The following NAALADL2 variants were observed in gnomAD, a reference collection of about 807,000 sequenced individuals.
NAALADL2 encodes the protein inactive N-acetylated-alpha-linked acidic dipeptidase-like protein 2.
In NAALADL2, 76 loss-of-function variants were observed where a neutral mutation model predicts 87.2. The observed-to-expected ratio is 0.87, with a 90% CI of 0.72 to 1.05. The LOEUF is 1.05. Ranked by LOEUF, NAALADL2 falls within the 50% of genes least tolerant of loss-of-function variation. The pLI is 0.00. For missense variants in NAALADL2, 1,089 were observed against 945.8 expected, an observed-to-expected ratio of 1.15 and a Z score of -1.99; for synonymous variants, 354 against 331.0, an observed-to-expected ratio of 1.07 and a Z score of -0.75.
chr3:174,812,823 A>G (rs570997540), intron 3 of NAALADL2, among the ~76,000 whole-genome samples: 2 of 152,256 alleles, frequency 1.3e-5, no homozygotes, highest in South Asian at 4.1e-4. Context: ...TTTTAAAAAT[A>G]GAAATAGGCT....
At chr3:175,549,813 C>A (rs1274531945) in intron 9 of NAALADL2, among the ~76,000 whole-genome samples, 1 of 152,024 alleles carries the variant, frequency 6.6e-6, no homozygotes, top group Non-Finnish European at 1.5e-5. Context: ...AAACACATCT[C>A]CCTTCCTAGA....
intron 9 of NAALADL2, among the ~76,000 whole-genome samples, chr3:175,565,034 G>T (rs1716888229): frequency 6.6e-6 from 1 of 152,132 alleles, no homozygotes; most frequent in African/African-American, 2.4e-5. Context: ...CATTGAAAAG[G>T]TAATTTTAGT....
chr3:175,099,680 A>G (rs1580438291), intron 2 of NAALADL2, among the ~76,000 whole-genome samples: 2 of 152,212 alleles, frequency 1.3e-5, no homozygotes, highest in Non-Finnish European at 1.5e-5. Context: ...ATTTTGTTCA[A>G]TTGCTGTATC....
At chr3:175,312,438 T>C (rs956937109) in intron 4 of NAALADL2, among the ~76,000 whole-genome samples, 1 of 151,306 alleles carries the variant, frequency 6.6e-6, no homozygotes, top group Non-Finnish European at 1.5e-5. Context: ...TTTGCAAAAA[T>C]CCAGTTCTTT....
At chr3:175,591,159 G>A (rs1395122982) in intron 10 of NAALADL2, among the ~76,000 whole-genome samples, 1 of 152,138 alleles carries the variant, frequency 6.6e-6, no homozygotes, top group African/African-American at 2.4e-5. Flanking sequence ...TGTGGAAGTG[G>A]AAGGTATAGA....
intron 11 of NAALADL2, among the ~76,000 whole-genome samples, chr3:175,695,505 G>C (rs1737654718): frequency 6.6e-6 from 1 of 152,058 alleles, no homozygotes; most frequent in Non-Finnish European, 1.5e-5. Flanking sequence ...ACACTTGCTG[G>C]AAAAATGTAC....
chr3:174,579,271 A>G (rs201618855), intron 2 of NAALADL2, among the ~76,000 whole-genome samples: 1 of 152,048 alleles, frequency 6.6e-6, no homozygotes, highest in East Asian at 1.9e-4. Context: ...TCTTCATAGC[A>G]GCTTTACCAA....
chr3:175,394,580 G>A (rs576330100), intron 5 of NAALADL2, among the ~76,000 whole-genome samples: 18 of 152,228 alleles, frequency 1.2e-4, no homozygotes, highest in African/African-American at 4.3e-4. Flanking sequence ...TTGAGAAACA[G>A]AAACTAGATT....
intron 1 of NAALADL2, among the ~76,000 whole-genome samples, chr3:175,049,677 T>C (rs1447883404): frequency 6.6e-6 from 1 of 152,104 alleles, no homozygotes; most frequent in Non-Finnish European, 1.5e-5. Context: ...TATCCTTTAA[T>C]AAAAAAGGGG....
intron 1 of NAALADL2, among the ~76,000 whole-genome samples, chr3:175,070,830 T>C (rs1052473325): frequency 6.6e-6 from 1 of 152,106 alleles, no homozygotes; most frequent in Non-Finnish European, 1.5e-5. Flanking sequence ...TAAAAGTACA[T>C]AGTAAATATA....
At chr3:174,533,691 T>C (rs1319091848) in intron 1 of NAALADL2, among the ~76,000 whole-genome samples, 1 of 151,588 alleles carries the variant, frequency 6.6e-6, no homozygotes, top group African/African-American at 2.4e-5. Context: ...ACAGTGTATG[T>C]CACTTAAAGC....
At chr3:175,589,034 A>G (rs747877647) in intron 10 of NAALADL2, among the ~76,000 whole-genome samples, 3 of 152,218 alleles carry the variant, frequency 2.0e-5, no homozygotes, top group Non-Finnish European at 4.4e-5. Context: ...GCAAAGAAAC[A>G]TATTTAGATA....
intron 1 of NAALADL2, among the ~76,000 whole-genome samples, chr3:174,994,772 A>G (rs1297507130): frequency 6.6e-6 from 1 of 152,284 alleles, no homozygotes; most frequent in East Asian, 1.9e-4. Context: ...AAATTCTCAA[A>G]TTTTTAATTT....
In NAALADL2 at chr3:174,575,729, G is replaced by A. The variant is rs149684589; in HGVS notation, c.-115+25092G>A. ...GTAAGTTTATTTGGAAGAGGAATGTGTAAGAAAAAATGTAGGTATGCATTT... is the reference window on the plus strand; with the variant it reads ...GTAAGTTTATTTGGAAGAGGAATGTATAAGAAAAAATGTAGGTATGCATTT... On this transcript the variant is annotated intron_variant, in intron 2 of 3. Coordinates refer to the NAALADL2 transcript ENST00000434257. Among the ~76,000 whole-genome samples, 968 of 152,218 alleles carry A rather than the reference G, an allele frequency of 6.4e-3. 9 individuals are homozygous for A. Among genetic ancestry groups the A allele is most frequent in the African/African-American group, 0.022 (906 of 41,546 alleles).
At chr3:174,957,974 C>G (rs1741400976) in intron 1 of NAALADL2, among the ~76,000 whole-genome samples, 1 of 151,806 alleles carries the variant, frequency 6.6e-6, no homozygotes, top group African/African-American at 2.4e-5. Context: ...ATGTAGTTTC[C>G]TTTCTCTGGG....
chr3:174,865,369 A>G (rs535908072), intron 1 of NAALADL2, among the ~76,000 whole-genome samples: 1 of 152,132 alleles, frequency 6.6e-6, no homozygotes, highest in South Asian at 2.1e-4. Flanking sequence ...TGAAAGATTC[A>G]TTCTGAGATC....
chr3:175,143,754 T>G (rs1730362102), intron 2 of NAALADL2, among the ~76,000 whole-genome samples: 2 of 151,924 alleles, frequency 1.3e-5, no homozygotes, highest in Admixed American at 6.6e-5. Flanking sequence ...GGGGAATAAA[T>G]GTATTCTCAA....
intron 11 of NAALADL2, among the ~76,000 whole-genome samples, chr3:175,703,148 A>G (rs182057244): frequency 6.6e-6 from 1 of 152,322 alleles, no homozygotes; most frequent in African/African-American, 2.4e-5. Flanking sequence ...ACTGGCACTC[A>G]TAGAATTTCT....
At chr3:175,773,198 C>CT (rs1467905221) in intron 13 of NAALADL2, 1 of 152,160 alleles carries the variant, frequency 6.6e-6, no homozygotes, top group Non-Finnish European at 1.5e-5. Context: ...ATTTAACCTT[C>CT]TCTTGTTGAT....
Sources: allele counts gnomAD v4.1 joint callset (sites outside exome capture counted in the v4.1 genomes callset), GRCh38; gene constraint gnomAD v4.1.1; transcripts MANE v1.5; gene names NCBI Gene and HGNC (gene_info 2026-07-23, HGNC 2026-07-21).